Variants in KHDRBS2 observed in about 807,000 individuals in gnomAD.
The protein encoded by KHDRBS2 is KH domain-containing, RNA-binding, signal transduction-associated protein 2.
In KHDRBS2, 26 loss-of-function variants were observed where a neutral mutation model predicts 44.3. That is an observed-to-expected ratio of 0.59 (90% CI 0.43 to 0.81). The LOEUF (loss-of-function observed/expected upper bound fraction) is 0.81, where lower values mean the gene tolerates loss of function less well. Among genes scored for constraint, KHDRBS2 ranks in the 40% least tolerant of loss-of-function variants. The pLI is 0.00. For missense variants in KHDRBS2, 476 were observed against 433.1 expected, an observed-to-expected ratio of 1.10 and a Z score of -0.88; for synonymous variants, 194 against 151.1, an observed-to-expected ratio of 1.28 and a Z score of -2.08.
At chr6:62,201,372 G>A (rs1328255747) in intron 1 of KHDRBS2, among the ~76,000 whole-genome samples, 1 of 152,084 alleles carries the variant, frequency 6.6e-6, no homozygotes, top group Non-Finnish European at 1.5e-5. Flanking sequence ...CATTTTGAAA[G>A]TTGTAAGAAG....
At chr6:61,739,018 T>G (rs1187676754) in intron 6 of KHDRBS2, among the ~76,000 whole-genome samples, 1 of 151,864 alleles carries the variant, frequency 6.6e-6, no homozygotes, top group African/African-American at 2.4e-5. Flanking sequence ...TCCAAAAAAT[T>G]GTATGCACGT....
intron 6 of KHDRBS2, among the ~76,000 whole-genome samples, chr6:61,792,775 G>T (rs1370123538): frequency 6.6e-6 from 1 of 151,880 alleles, no homozygotes; most frequent in Non-Finnish European, 1.5e-5. Context: ...TTTGAATGAA[G>T]AAATATAGCA....
At chr6:61,626,236 G>C in the KHDRBS2 span, among the ~76,000 whole-genome samples, 1 of 152,132 alleles carries the variant, frequency 6.6e-6, no homozygotes, top group African/African-American at 2.4e-5. Context: ...TTAATTGTGC[G>C]ACTGTTGCAG....
chr6:61,928,386 A>G (rs1809374297), intron 4 of KHDRBS2, among the ~76,000 whole-genome samples: 1 of 152,114 alleles, frequency 6.6e-6, no homozygotes, highest in Non-Finnish European at 1.5e-5. Context: ...CTCAGAGGAG[A>G]AAAACACTAT....
Position 61,901,232 on chromosome 6 carries a change from G to T in KHDRBS2, c.611+12C>A, listed in dbSNP as rs749045981. On this transcript the variant is annotated intron_variant, in intron 5 of 8. Transcript: ENST00000281156. ...ATCATCCTTAATTTATTTAAAGTAA[G>T]AATGAATGTACCTTGAAGGAGCTGT... 3 of 1,604,806 alleles carry T rather than the reference G, an allele frequency of 1.9e-6. No individual in the cohort carries two copies. Among genetic ancestry groups the T allele is most frequent in the Non-Finnish European group, 2.5e-6 (3 of 1,177,334 alleles).
chr6:61,847,209 C>T (rs1436197172), intron 6 of KHDRBS2, among the ~76,000 whole-genome samples: 1 of 152,106 alleles, frequency 6.6e-6, no homozygotes, highest in Non-Finnish European at 1.5e-5. Context: ...TAAATTCTCA[C>T]TGTTGAAAAT....
chr6:62,239,315 G>A (rs954914098), intron 1 of KHDRBS2, among the ~76,000 whole-genome samples: 14 of 152,154 alleles, frequency 9.2e-5, no homozygotes, highest in Non-Finnish European at 1.2e-4. Flanking sequence ...GCTGACACCT[G>A]TAATCCTAGC....
chr6:61,799,277 CT>C (rs1582901662), intron 6 of KHDRBS2, among the ~76,000 whole-genome samples: 2 of 151,954 alleles, frequency 1.3e-5, no homozygotes, highest in East Asian at 3.9e-4. Context: ...AACTCGAGGG[CT>C]TTTCATTGCA....
intron 6 of KHDRBS2, among the ~76,000 whole-genome samples, chr6:61,742,038 G>A (rs986116168): frequency 5.3e-5 from 8 of 151,888 alleles, no homozygotes; most frequent in African/African-American, 1.9e-4. Flanking sequence ...AAAGTGAAAA[G>A]AGCAATAATA....
At chr6:61,615,248 A>AAAAAAG in the KHDRBS2 span, among the ~76,000 whole-genome samples, 1 of 150,312 alleles carries the variant, frequency 6.7e-6, no homozygotes, top group Non-Finnish European at 1.5e-5. Context: ...AAAAAAAAAA[A>AAAAAAG]AAAGAAAGAA....
chr6:61,596,607 T>C, the KHDRBS2 span, among the ~76,000 whole-genome samples: 1 of 152,160 alleles, frequency 6.6e-6, no homozygotes, highest in African/African-American at 2.4e-5. Context: ...AAGTAGTTGT[T>C]AACTAGGCAA....
intron 4 of KHDRBS2, among the ~76,000 whole-genome samples, chr6:61,936,658 A>G (rs1562473970): frequency 6.6e-6 from 1 of 151,944 alleles, no homozygotes; most frequent in African/African-American, 2.4e-5. Flanking sequence ...TGTAGTTGAT[A>G]AACTCTTGTT....
intron 1 of KHDRBS2, among the ~76,000 whole-genome samples, chr6:62,192,932 C>T (rs482102): frequency 0.24 from 36,097 of 151,964 alleles, 6,031 homozygotes; most frequent in African/African-American, 0.48. Flanking sequence ...CTTACCTGTA[C>T]ATTTCAAGAA....
At position 61,736,212 on chromosome 6, in the gene KHDRBS2, T is replaced by TCACACACACACACA. The variant is rs376298733; in HGVS notation, c.811-3462_811-3449dup. ...TATCTCTTATTCTTTTTACTTTACT[T>TCACACACACACACA]CACACACACACACACACACACACAC... On this transcript the variant is annotated intron_variant, in intron 6 of 8. Transcript: ENST00000281156. 8.3e-3 allele frequency among the ~76,000 whole-genome samples: 1,124 copies of TCACACACACACACA among 135,616 alleles called. 10 individuals are homozygous for TCACACACACACACA. Among genetic ancestry groups the TCACACACACACACA allele is most frequent in the Admixed American group, 0.018 (240 of 13,242 alleles). The allele number at this position is 135,616 out of a possible 152,430, so 89.0% of individuals were successfully genotyped here.
intron 5 of KHDRBS2, among the ~76,000 whole-genome samples, chr6:61,899,974 T>C (rs981384163): frequency 1.3e-5 from 2 of 151,902 alleles, no homozygotes; most frequent in African/African-American, 2.4e-5. Flanking sequence ...AAACAACCCA[T>C]AAAAAAGTAC....
At chr6:61,864,342 A>T (rs1258549991) in intron 6 of KHDRBS2, among the ~76,000 whole-genome samples, 2 of 152,048 alleles carry the variant, frequency 1.3e-5, no homozygotes, top group African/African-American at 4.8e-5. Context: ...TATTTTTCAG[A>T]CTTGTTCATA....
At chr6:62,113,548 TAAC>T (rs2150076875) in intron 2 of KHDRBS2, among the ~76,000 whole-genome samples, 1 of 152,226 alleles carries the variant, frequency 6.6e-6, no homozygotes, top group African/African-American at 2.4e-5. Context: ...GATGTGGAAA[TAAC>T]AAACCTTATC....
At chr6:61,698,744 G>C (rs187983576) in intron 7 of KHDRBS2, among the ~76,000 whole-genome samples, 5 of 151,912 alleles carry the variant, frequency 3.3e-5, no homozygotes, top group South Asian at 2.1e-4. Context: ...CCCTACTCAG[G>C]GGGCATGGCC....
chr6:61,940,572 G>A lies in KHDRBS2; in HGVS notation c.483+37494C>T, dbSNP rs1243351050. ...CTCTCAAAGTGCTTAAATTACAGGT[G>A]TGAGTCACCACTCCTGGTCAGAATT... On this transcript the variant is annotated intron_variant, in intron 4 of 8. Coordinates refer to ENST00000281156, the MANE Select transcript of KHDRBS2 (RefSeq NM_152688.4). 2.0e-5 allele frequency among the ~76,000 whole-genome samples: 3 copies of A among 152,132 alleles called. No homozygotes were observed. The South Asian group carries it at 6.2e-4, about 32-fold the overall frequency.
Sources: gnomAD v4.1 joint callset for allele counts (sites outside exome capture counted in the v4.1 genomes callset) on GRCh38, gnomAD v4.1.1 for gene constraint, MANE v1.5 for transcripts, NCBI Gene and HGNC (gene_info 2026-07-23, HGNC 2026-07-21) for gene names.